Variants in CLEC19A observed in about 807,000 individuals in gnomAD.
CLEC19A encodes C-type lectin domain family 19 member A.
A neutral mutation model predicts 26.1 loss-of-function variants in CLEC19A; 21 were observed. That is an observed-to-expected ratio of 0.80 (90% confidence interval 0.57 to 1.16). CLEC19A has a LOEUF of 1.16. Among genes scored for constraint, CLEC19A ranks in the 50% most tolerant of loss-of-function variants. The pLI is 0.00. For missense variants in CLEC19A, 224 were observed against 227.6 expected, an observed-to-expected ratio of 0.98 and a Z score of 0.10; for synonymous variants, 89 against 88.6, an observed-to-expected ratio of 1.00 and a Z score of -0.03.
intron 1 of CLEC19A, among the ~76,000 whole-genome samples, chr16:19,289,162 G>C (rs1037053460): frequency 2.6e-5 from 4 of 152,142 alleles, no homozygotes; most frequent in Non-Finnish European, 1.5e-5. Context: ...CATAGGCAAC[G>C]GTGTTCCTAC....
In CLEC19A at chr16:19,304,065, G is replaced by A; in HGVS notation, c.258G>A (p.Trp86Ter). The change falls in exon 3 of 5, where the codon TGG becomes TGA. Residue 86 changes from tryptophan to a stop codon, truncating the protein, a stop_gained. Coordinates refer to ENST00000636231, the MANE Select transcript of CLEC19A (RefSeq NM_001256720.2). LOFTEE classifies it high-confidence loss of function. ...KSAKLASIHS[W>*]EENVFVYDLV... is the part of the protein sequence containing the mutation. ...ACTATTATTCTTAAATTCGCAGCTGGGAGGAGAATGTCTTTGTATATGACC... is the reference window on the plus strand; with the variant it reads ...ACTATTATTCTTAAATTCGCAGCTGAGAGGAGAATGTCTTTGTATATGACC... 6.5e-7 allele frequency: 1 copy of A among 1,548,500 alleles called. No homozygotes were observed. Among genetic ancestry groups the A allele is most frequent in the Non-Finnish European group, 8.7e-7 (1 of 1,145,454 alleles).
chr16:19,289,913 C>G (rs183504102), intron 1 of CLEC19A, among the ~76,000 whole-genome samples: 182 of 152,278 alleles, frequency 1.2e-3, no homozygotes, highest in African/African-American at 4.2e-3. Context: ...GTCTGTGAGA[C>G]ACTTTCTTCC....
chr16:19,298,905 G>T, intron 2 of CLEC19A, 67 bp downstream of exon 2: 1 of 1,426,726 alleles, frequency 7.0e-7, no homozygotes, highest in Non-Finnish European at 9.4e-7. Flanking sequence ...GTGGAGAATG[G>T]TATTTCCAAC....
intron 1 of CLEC19A, among the ~76,000 whole-genome samples, chr16:19,298,388 AAAAAC>A (rs1214431696): frequency 4.6e-5 from 7 of 152,132 alleles, no homozygotes; most frequent in Admixed American, 3.9e-4. Context: ...TCGTCTCTAC[AAAAAC>A]AAAACAAAAC....
At chr16:19,307,428 C>A in intron 3 of CLEC19A, 117 bp from the exon 4 acceptor site, 1 of 1,113,846 alleles carries the variant, frequency 9.0e-7, no homozygotes, top group South Asian at 1.6e-5. Context: ...ATGAAGACAT[C>A]TGTGCAGAGG....
At chr16:19,287,905 A>G (rs79444078) in intron 1 of CLEC19A, among the ~76,000 whole-genome samples, 23,257 of 152,256 alleles carry the variant, frequency 0.15, 1,804 homozygotes, top group Non-Finnish European at 0.17. Context: ...AGAATTGGCC[A>G]GGAGACAGTT....
At chr16:19,286,066 T>A in intron 1 of CLEC19A, 127 bp downstream of exon 1, 1 of 851,896 alleles carries the variant, frequency 1.2e-6, no homozygotes, top group South Asian at 1.6e-5. Context: ...TCCTGACAGC[T>A]TTCCCCCTAC....
intron 4 of CLEC19A, 142 bp downstream of exon 4, chr16:19,307,819 A>G (rs1297017782): frequency 3.7e-6 from 4 of 1,092,290 alleles, no homozygotes; most frequent in Non-Finnish European, 5.2e-6. Context: ...AGAGCGGTGG[A>G]GGTCACTAGG....
At chr16:19,300,116 C>T (rs1398697882) in intron 2 of CLEC19A, among the ~76,000 whole-genome samples, 1 of 151,858 alleles carries the variant, frequency 6.6e-6, no homozygotes, top group Non-Finnish European at 1.5e-5. Context: ...CCCAGCTACT[C>T]GGGAGGCTGG....
rs56990067 is a variant in CLEC19A, at chr16:19,301,727, GTTTTTTTGGTTTTTTTT to G, written c.255-2327_255-2311del. On this transcript the variant is annotated intron_variant, in intron 2 of 4. Transcript: ENST00000636231. The stretch of plus-strand genomic sequence containing the variant: ...TACAGGCGCATGACACCATGCCCAG[GTTTTTTTGGTTTTTTTT>G]TTTTTTTTTTTTTTTTTTTTGTATT... Among the ~76,000 whole-genome samples the G allele has an allele frequency of 8.0e-3, 229 of 28,550 alleles. 5 individuals are homozygous for G. Among genetic ancestry groups the G allele is most frequent in the South Asian group, 0.028 (17 of 616 alleles). The allele number at this position is 28,550 out of a possible 152,430, so 18.7% of individuals were successfully genotyped here. A position where few individuals can be genotyped will look rare whatever the true frequency, so the allele number is the denominator to read the frequency against.
intron 1 of CLEC19A, among the ~76,000 whole-genome samples, chr16:19,288,151 C>A (rs1444777720): frequency 6.6e-6 from 1 of 152,226 alleles, no homozygotes; most frequent in Non-Finnish European, 1.5e-5. Context: ...ATGGTCATCA[C>A]TGTCCAAGTG....
intron 1 of CLEC19A, among the ~76,000 whole-genome samples, chr16:19,287,420 T>C (rs1897495519): frequency 6.6e-6 from 1 of 151,964 alleles, no homozygotes; most frequent in African/African-American, 2.4e-5. Flanking sequence ...CCCAATACCA[T>C]CACATTGGGA....
chr16:19,292,410 T>TA (rs1195310582), intron 1 of CLEC19A, among the ~76,000 whole-genome samples: 1 of 152,146 alleles, frequency 6.6e-6, no homozygotes, highest in African/African-American at 2.4e-5. Flanking sequence ...AGGACTTGGT[T>TA]AAAAAAACTC....
chr16:19,299,093 A>G (rs959655686), intron 2 of CLEC19A, among the ~76,000 whole-genome samples: 14 of 152,158 alleles, frequency 9.2e-5, no homozygotes, highest in South Asian at 2.1e-4. Context: ...TTTTTATCCA[A>G]CCCAATTTCT....
Position 19,285,748 on chromosome 16 carries a change from G to T in CLEC19A, c.-104G>T, listed in dbSNP as rs1452057769. 1 of 940,610 alleles carries T rather than the reference G, an allele frequency of 1.1e-6. No homozygotes were observed. The highest frequency in any genetic ancestry group is 1.7e-6 in the Non-Finnish European group (1 of 601,854). The allele number at this position is 940,610 out of a possible 1,614,324, so 58.3% of individuals were successfully genotyped here. A position where few individuals can be genotyped will look rare whatever the true frequency, so the allele number is the denominator to read the frequency against. ...GTCCATCCAGTCTGTCCCAGCTCCT[G>T]CCAGGCTCCATCTGACCCTAGGAGA... On this transcript the variant is annotated 5_prime_UTR_variant, in exon 1 of 5. Transcript: ENST00000636231.
chr16:19,297,673 A>G (rs1290189942), intron 1 of CLEC19A, among the ~76,000 whole-genome samples: 1 of 152,248 alleles, frequency 6.6e-6, no homozygotes, highest in Non-Finnish European at 1.5e-5. Flanking sequence ...ACAAAAATGT[A>G]TAATGACATG....
chr16:19,307,663 A>G lies in CLEC19A; in HGVS notation c.467A>G (p.Tyr156Cys). ...GAAGAGGACTGCGTGCAGATATGGT[A>G]CAGGCCTACCAGTGGTGGGTACCCC... ...PEEEDCVQIW[Y>C]RPTSALRSWN... The change falls in exon 4 of 5, where the codon TAC becomes TGC. Residue 156 changes from tyrosine to cysteine, a missense_variant. Transcript: ENST00000636231. 6.5e-7 allele frequency: 1 copy of G among 1,548,276 alleles called. No individual in the cohort carries two copies. Among genetic ancestry groups the G allele is most frequent in the Non-Finnish European group, 8.7e-7 (1 of 1,146,790 alleles).
chr16:19,295,998 G>T (rs1164673693), intron 1 of CLEC19A, among the ~76,000 whole-genome samples: 5 of 152,170 alleles, frequency 3.3e-5, no homozygotes, highest in African/African-American at 9.7e-5. Context: ...CCCAGAAAAG[G>T]GTGGGGACAG....
chr16:19,288,379 C>T (rs578016156), intron 1 of CLEC19A, among the ~76,000 whole-genome samples: 2 of 152,100 alleles, frequency 1.3e-5, no homozygotes, highest in Non-Finnish European at 2.9e-5. Flanking sequence ...CCTCCAAGGT[C>T]CTCCTTATTG....
Sources: gnomAD v4.1 joint callset for allele counts (sites outside exome capture counted in the v4.1 genomes callset) on GRCh38, gnomAD v4.1.1 for gene constraint, MANE v1.5 for transcripts, NCBI Gene and HGNC (gene_info 2026-07-23, HGNC 2026-07-21) for gene names.